The following CACNA1A variants were observed in gnomAD, a reference collection of about 807,000 sequenced individuals.
CACNA1A encodes the protein voltage-dependent P/Q-type calcium channel subunit alpha-1A.
In CACNA1A, 57 loss-of-function variants were observed where a neutral mutation model predicts 262.4. That is an observed-to-expected ratio of 0.22 (90% CI 0.18 to 0.27). The LOEUF is 0.27. CACNA1A is among the 10% of genes least tolerant of loss of function. The pLI is 1.00. For missense variants in CACNA1A, 2,526 were observed against 3,562.8 expected, an observed-to-expected ratio of 0.71 and a Z score of 7.41; for synonymous variants, 1,431 against 1,419.3, an observed-to-expected ratio of 1.01 and a Z score of -0.18.
intron 1 of CACNA1A, among the ~76,000 whole-genome samples, chr19:13,493,282 T>C (rs1282055793): frequency 6.6e-6 from 1 of 152,206 alleles, no homozygotes; most frequent in African/African-American, 2.4e-5. Context: ...AAGAAACCCA[T>C]GACATCGATT....
chr19:13,320,274 G>GAA (rs1555763869), intron 10 of CACNA1A, among the ~76,000 whole-genome samples: 4 of 148,570 alleles, frequency 2.7e-5, no homozygotes, highest in African/African-American at 1.0e-4. Context: ...GAGAGAGAGA[G>GAA]AAACCACAGC....
rs2144981058 is a variant in CACNA1A, at chr19:13,303,901, A to G, written c.1987-17T>C. The G allele has an allele frequency of 6.4e-7, 1 of 1,569,444 alleles. No individual in the cohort carries two copies. The highest frequency in any genetic ancestry group is 8.8e-7 in the Non-Finnish European group (1 of 1,142,256). On this transcript the variant is annotated splice_polypyrimidine_tract_variant and intron_variant, in intron 15 of 46. Transcript: ENST00000360228. The stretch of plus-strand genomic sequence containing the variant: ...CGTCAGGATCTGAAAGGGGAGGAAG[A>G]AACACACAGCCAACCCCCCTCTCAG...
intron 3 of CACNA1A, among the ~76,000 whole-genome samples, chr19:13,436,890 C>T (rs948306437): frequency 2.0e-5 from 3 of 152,238 alleles, no homozygotes; most frequent in Non-Finnish European, 2.9e-5. Context: ...CCCTTTGGCA[C>T]CTTGGCCCCT....
At chr19:13,439,108 A>ATTT (rs939229748) in intron 3 of CACNA1A, among the ~76,000 whole-genome samples, 3 of 137,204 alleles carry the variant, frequency 2.2e-5, no homozygotes, top group Non-Finnish European at 3.2e-5. Context: ...TTGTCCTCAA[A>ATTT]TTTTTTTTTT....
intron 5 of CACNA1A, among the ~76,000 whole-genome samples, chr19:13,360,292 CAG>C: frequency 7.9e-6 from 1 of 126,176 alleles, no homozygotes; most frequent in Non-Finnish European, 1.7e-5. Flanking sequence ...TATATGAAGA[CAG>C]AGGGGAGAGG....
At chr19:13,456,755 A>G (rs1009912696) in intron 1 of CACNA1A, among the ~76,000 whole-genome samples, 2 of 152,230 alleles carry the variant, frequency 1.3e-5, no homozygotes, top group Admixed American at 6.5e-5. Context: ...AGGAGGCTGG[A>G]ATAGACATTT....
chr19:13,224,591 T>C, intron 38 of CACNA1A, 76 bp downstream of exon 38: 1 of 920,562 alleles, frequency 1.1e-6, no homozygotes, highest in Non-Finnish European at 1.7e-6. Context: ...GCAGATCCTC[T>C]AGTTTGGGGT....
intron 3 of CACNA1A, among the ~76,000 whole-genome samples, chr19:13,402,914 A>C (rs1009109178): frequency 7.8e-6 from 1 of 127,478 alleles, no homozygotes; most frequent in Admixed American, 8.2e-5. Flanking sequence ...ATATATATAT[A>C]TACTTGCAAG....
intron 18 of CACNA1A, among the ~76,000 whole-genome samples, chr19:13,300,015 G>A (rs183589121): frequency 5.3e-5 from 8 of 152,114 alleles, no homozygotes; most frequent in Non-Finnish European, 7.4e-5. Context: ...CTGATCTGAC[G>A]GCAGGTGGAG....
chr19:13,489,257 G>A (rs1306533244), intron 1 of CACNA1A, among the ~76,000 whole-genome samples: 9 of 151,888 alleles, frequency 5.9e-5, no homozygotes, highest in Middle Eastern at 3.4e-3. Context: ...TGATCTGCCC[G>A]CCTCGGCCTC....
intron 20 of CACNA1A, 149 bp from the exon 21 acceptor site, chr19:13,285,355 C>G (rs2057376668): frequency 1.3e-6 from 1 of 752,796 alleles, no homozygotes; most frequent in Admixed American, 2.7e-5. Flanking sequence ...ATCACTGAAC[C>G]CTTGTATAGC....
chr19:13,248,409 C>CAAAAAAA (rs61481896), intron 30 of CACNA1A, among the ~76,000 whole-genome samples: 5 of 58,802 alleles, frequency 8.5e-5, no homozygotes, highest in African/African-American at 1.3e-4. Context: ...GATCCCATCT[C>CAAAAAAA]AAAAAAAAAA....
intron 35 of CACNA1A, among the ~76,000 whole-genome samples, chr19:13,231,298 G>A (rs943337261): frequency 1.3e-5 from 2 of 151,882 alleles, no homozygotes; most frequent in African/African-American, 4.8e-5. Flanking sequence ...TACAGGCATC[G>A]GCCACTACGC....
chr19:13,265,072 A>G (rs2056830050), intron 24 of CACNA1A, among the ~76,000 whole-genome samples: 1 of 152,002 alleles, frequency 6.6e-6, no homozygotes, highest in Non-Finnish European at 1.5e-5. Context: ...ACAGGGTTTC[A>G]CCGTGTTGGC....
chr19:13,334,597 G>GTGTGTT lies in CACNA1A; in HGVS notation c.1083-105_1083-104insAACACA, dbSNP rs1555767637. 479 of 210,482 alleles carry GTGTGTT rather than the reference G, an allele frequency of 2.3e-3. 1 individual carries two copies. The highest frequency in any genetic ancestry group is 0.013 in the African/African-American group (335 of 25,438). The allele number at this position is 210,482 out of a possible 1,614,324, so 13.0% of individuals were successfully genotyped here. ...TGTGTGTGTGTGTGTGTGTGTTTGT[G>GTGTGTT]TGTGTGTGTGTGTTTGGGGATTCAG... On this transcript the variant is annotated intron_variant, in intron 7 of 46. Coordinates refer to ENST00000360228, the MANE Select transcript of CACNA1A (RefSeq NM_001127222.2).
In CACNA1A at chr19:13,208,995, G is replaced by A; in HGVS notation, c.6541C>T (p.Leu2181=). 1 of 1,537,258 alleles carries A rather than the reference G, an allele frequency of 6.5e-7. No homozygotes were observed. The highest frequency in any genetic ancestry group is 8.7e-7 in the Non-Finnish European group (1 of 1,146,892). ...TDVDTGLGTD[L]SMTTQSGDLP... is the part of the protein sequence containing the mutation. ...TCCCCGGATTGGGTGGTCATGCTCA[G>A]GTCTGTCCCCAAGCCTGGGCCGGGT... Residue 2181 remains leucine (L), a synonymous_variant, in exon 46 of 47, where the codon CTG becomes TTG. Transcript: ENST00000360228.
rs141686642 is a variant in CACNA1A at position 13,333,223 on chromosome 19, T to C, written c.1199-298A>G. ...TTCCTGTCTTCCTCTCCTCCAGCTGTCCCCACCTCTCACTCTGTTTCAGCT... is the reference window on the plus strand; with the variant it reads ...TTCCTGTCTTCCTCTCCTCCAGCTGCCCCCACCTCTCACTCTGTTTCAGCT... On this transcript the variant is annotated intron_variant, in intron 8 of 46. Transcript: ENST00000360228. Among the ~76,000 whole-genome samples, 419 of 152,200 alleles carry C rather than the reference T, an allele frequency of 2.8e-3. 1 individual carries two copies. Among genetic ancestry groups the C allele is most frequent in the African/African-American group, 9.7e-3 (405 of 41,548 alleles).
intron 6 of CACNA1A, among the ~76,000 whole-genome samples, chr19:13,338,420 G>C (rs1205740788): frequency 1.3e-5 from 2 of 152,072 alleles, no homozygotes; most frequent in African/African-American, 4.8e-5. Flanking sequence ...ACTACAATTA[G>C]ATAGTAATTC....
intron 1 of CACNA1A, among the ~76,000 whole-genome samples, chr19:13,457,134 C>T (rs771638370): frequency 1.3e-5 from 2 of 152,062 alleles, no homozygotes; most frequent in Non-Finnish European, 2.9e-5. Flanking sequence ...GCCTGTAGTG[C>T]CAGCTACTTG....
Sources: allele counts gnomAD v4.1 joint callset (sites outside exome capture counted in the v4.1 genomes callset), GRCh38; gene constraint gnomAD v4.1.1; transcripts MANE v1.5; gene names NCBI Gene and HGNC (gene_info 2026-07-23, HGNC 2026-07-21).